Variants in TLDC2 observed in about 807,000 individuals in gnomAD.
TLDC2 encodes the protein TLD domain-containing protein 2.
Under a neutral mutation model 27.9 loss-of-function variants are expected in TLDC2, and 23 were observed. The ratio of observed to expected loss-of-function variants is 0.82; its 90% CI spans 0.59 to 1.17. The LOEUF is 1.17. Among genes scored for constraint, TLDC2 ranks in the 50% most tolerant of loss-of-function variants. TLDC2 has a pLI of 0.00. For synonymous variants in TLDC2, 124 were observed against 107.4 expected (o/e 1.16, Z -0.96); for missense variants, 286 against 273.4 (o/e 1.05, Z -0.32).
In TLDC2 at chr20:36,893,986, C is replaced by T. The variant is rs146889593; in HGVS notation, c.*1142C>T. ...TTTTTTCTCTCCCTACCTCCTCTGG[C>T]ACGAGCGGCAGTGGCAGTGACTATT... On this transcript the variant is annotated 3_prime_UTR_variant, in exon 7 of 7. Transcript: ENST00000217320. 5.3e-4 allele frequency: 210 copies of T among 398,560 alleles called. No individual in the cohort carries two copies. Among genetic ancestry groups the T allele is most frequent in the Non-Finnish European group, 8.4e-4 (190 of 226,066 alleles). The allele number at this position is 398,560 out of a possible 1,614,324, so 24.7% of individuals were successfully genotyped here. A position where few individuals can be genotyped will look rare whatever the true frequency, so the allele number is the denominator to read the frequency against.
chr20:36,889,485 G>A, intron 6 of TLDC2, 82 bp downstream of exon 6: 1 of 1,472,592 alleles, frequency 6.8e-7, no homozygotes, highest in Non-Finnish European at 9.0e-7. Context: ...ATGGTGAAGG[G>A]CCCTAGAGTT....
At chr20:36,885,236 C>T (rs1193988770) in intron 4 of TLDC2, among the ~76,000 whole-genome samples, 1 of 152,078 alleles carries the variant, frequency 6.6e-6, no homozygotes, top group Non-Finnish European at 1.5e-5. Context: ...TCCGTTGAGG[C>T]AGAGGTTTTT....
At chr20:36,879,529 C>T (rs2148344580) in intron 3 of TLDC2, among the ~76,000 whole-genome samples, 1 of 152,152 alleles carries the variant, frequency 6.6e-6, no homozygotes. Flanking sequence ...ACTGCATCTT[C>T]ATCCTCAGAA....
At chr20:36,879,325 T>C in intron 3 of TLDC2, 132 bp downstream of exon 3, 1 of 1,225,264 alleles carries the variant, frequency 8.2e-7, no homozygotes, top group African/African-American at 1.5e-5. Flanking sequence ...ACACTGATGA[T>C]GGCAATGAGA....
At chr20:36,886,051 G>A (rs1424417892) in intron 4 of TLDC2, among the ~76,000 whole-genome samples, 1 of 152,192 alleles carries the variant, frequency 6.6e-6, no homozygotes, top group Non-Finnish European at 1.5e-5. Context: ...TGTGGCTAAT[G>A]TGTAGTCAAT....
chr20:36,890,178 T>C (rs1459205787), intron 6 of TLDC2: 1 of 152,204 alleles, frequency 6.6e-6, no homozygotes, highest in African/African-American at 2.4e-5. Context: ...TATGCATTTT[T>C]GGACAAAGAG....
intron 4 of TLDC2, among the ~76,000 whole-genome samples, chr20:36,886,936 GT>G (rs1446898217): frequency 1.3e-5 from 2 of 152,276 alleles, no homozygotes; most frequent in African/African-American, 4.8e-5. Context: ...AGATTGCAGT[GT>G]GGGTATGGCT....
intron 4 of TLDC2, among the ~76,000 whole-genome samples, chr20:36,883,468 A>G (rs1989857438): frequency 6.6e-6 from 1 of 152,054 alleles, no homozygotes; most frequent in Non-Finnish European, 1.5e-5. Context: ...ACCATGTCCC[A>G]AACGGAGCTC....
chr20:36,887,426 AC>A, intron 4 of TLDC2, 28 bp from the exon 5 acceptor site: 1 of 1,601,266 alleles, frequency 6.2e-7, no homozygotes, highest in Non-Finnish European at 8.6e-7. Flanking sequence ...TCGCTTAGTA[AC>A]CTGAGCCTTT....
Position 36,893,874 on chromosome 20 carries a change from T to TC in TLDC2, c.*1033dup. On this transcript the variant is annotated 3_prime_UTR_variant, in exon 7 of 7. Transcript: ENST00000217320. ...ACTCCGGTAAATTACATTTCTCAGC[T>TC]CCCATGCCTGTTGGTTTCCAGTTAG... 1 of 398,618 alleles carries TC rather than the reference T, an allele frequency of 2.5e-6. No individual in the cohort carries two copies. Among genetic ancestry groups the TC allele is most frequent in the East Asian group, 3.6e-5 (1 of 28,082 alleles). The allele number at this position is 398,618 out of a possible 1,614,324, so 24.7% of individuals were successfully genotyped here.
At position 36,887,651 on chromosome 20, in the gene TLDC2, G is replaced by A. The variant is rs143755362; in HGVS notation, c.512+123G>A. The A allele has an allele frequency of 6.6e-6, 6 of 910,122 alleles. No individual in the cohort carries two copies. In the Admixed American group the frequency reaches 7.8e-5, roughly 12 times the overall value. 56.4% of individuals were successfully genotyped at this position (910,122 alleles called of 1,614,324 possible). On this transcript the variant is annotated intron_variant, in intron 5 of 6. Coordinates refer to ENST00000217320, the MANE Select transcript of TLDC2 (RefSeq NM_080628.3). ...GAGGCTAGTGGGGAACTCTCAGGCC[G>A]TTCCCCTCATTGCTCAGCCTCCCAG... is the stretch of plus-strand genomic sequence containing the variant.
At position 36,893,313 on chromosome 20, in the gene TLDC2, GCATA is replaced by G; in HGVS notation, c.*471_*474del. 1.8e-6 allele frequency: 1 copy of G among 555,212 alleles called. No individual in the cohort carries two copies. Among genetic ancestry groups the G allele is most frequent in the East Asian group, 3.2e-5 (1 of 31,336 alleles). The allele number at this position is 555,212 out of a possible 1,614,324, so 34.4% of individuals were successfully genotyped here. The stretch of plus-strand genomic sequence containing the variant: ...GCCTCTGCAGAGATGACTGGGAGCA[GCATA>G]CCACTGCCCACCTCTATGGCCTCCT... On this transcript the variant is annotated 3_prime_UTR_variant, in exon 7 of 7. Coordinates refer to ENST00000217320, the MANE Select transcript of TLDC2 (RefSeq NM_080628.3).
At position 36,893,357 on chromosome 20, in the gene TLDC2, G is replaced by A. The variant is rs948965038; in HGVS notation, c.*513G>A. The stretch of plus-strand genomic sequence containing the variant: ...TATGGCCTCCTTCACACACCTTCAC[G>A]GAGCACAAACTCTGTCCTGTTTTCC... On this transcript the variant is annotated 3_prime_UTR_variant, in exon 7 of 7. Transcript: ENST00000217320. The A allele has an allele frequency of 2.1e-5, 10 of 479,532 alleles. No homozygotes were observed. In the East Asian group the frequency reaches 2.8e-4, roughly 14 times the overall value. 29.7% of individuals were successfully genotyped at this position (479,532 alleles called of 1,614,324 possible).
rs548284271 is a variant in TLDC2, at chr20:36,893,717, A to T, written c.*873A>T. On this transcript the variant is annotated 3_prime_UTR_variant, in exon 7 of 7. Transcript: ENST00000217320. ...GTAGATCTTCTTTGGTTACAAGATG[A>T]TGCACGATCTTGGAGAGCCTCTGTT... The T allele has an allele frequency of 2.5e-6, 1 of 394,346 alleles. No homozygotes were observed. Among genetic ancestry groups the T allele is most frequent in the East Asian group, 3.6e-5 (1 of 27,756 alleles). The allele number at this position is 394,346 out of a possible 1,614,324, so 24.4% of individuals were successfully genotyped here. A position where few individuals can be genotyped will look rare whatever the true frequency, so the allele number is the denominator to read the frequency against.
intron 4 of TLDC2, among the ~76,000 whole-genome samples, chr20:36,884,015 ACCCGGGAGGTGGAGGT>A (rs1223585668): frequency 6.6e-6 from 1 of 152,094 alleles, no homozygotes; most frequent in Non-Finnish European, 1.5e-5. Flanking sequence ...AATCTCTTGA[ACCCGGGAGGTGGAGGT>A]TGCAGTGAGT....
Position 36,894,106 on chromosome 20 carries a change from G to A in TLDC2, c.*1262G>A. ...CTAGAGGTGGTAGCAGCTTCCTGCT[G>A]TTGAATCACTGTCCTCTATGCTCAT... On this transcript the variant is annotated 3_prime_UTR_variant, in exon 7 of 7. Coordinates refer to ENST00000217320, the MANE Select transcript of TLDC2 (RefSeq NM_080628.3). 1 of 396,374 alleles carries A rather than the reference G, an allele frequency of 2.5e-6. No individual in the cohort carries two copies. Among genetic ancestry groups the A allele is most frequent in the Non-Finnish European group, 4.4e-6 (1 of 225,386 alleles). The allele number at this position is 396,374 out of a possible 1,614,324, so 24.6% of individuals were successfully genotyped here. A position where few individuals can be genotyped will look rare whatever the true frequency, so the allele number is the denominator to read the frequency against.
chr20:36,887,099 G>A (rs1004749019), intron 4 of TLDC2, among the ~76,000 whole-genome samples: 4 of 152,040 alleles, frequency 2.6e-5, no homozygotes, highest in African/African-American at 9.7e-5. Flanking sequence ...CAGGCGGGCT[G>A]GTGTTGTCCG....
intron 4 of TLDC2, among the ~76,000 whole-genome samples, chr20:36,885,247 G>T (rs1291533969): frequency 6.6e-5 from 10 of 152,068 alleles, no homozygotes; most frequent in Admixed American, 6.6e-4. Context: ...AGAGGTTTTT[G>T]TCTATTGTAT....
intron 1 of TLDC2, among the ~76,000 whole-genome samples, chr20:36,876,527 A>G (rs996678641): frequency 2.6e-5 from 4 of 152,212 alleles, no homozygotes; most frequent in African/African-American, 7.2e-5. Flanking sequence ...AGAGCGGGGC[A>G]GGAGAGGGGG....
Sources: allele counts gnomAD v4.1 joint callset (sites outside exome capture counted in the v4.1 genomes callset), GRCh38; gene constraint gnomAD v4.1.1; transcripts MANE v1.5; gene names NCBI Gene and HGNC (gene_info 2026-07-23, HGNC 2026-07-21).